LIPI: variants seen among roughly 807,000 people sequenced by gnomAD.
LIPI encodes lipase I, also known as lipase member I.
A neutral mutation model predicts 50.6 loss-of-function variants in LIPI; 59 were observed. The observed-to-expected ratio is 1.16, with a 90% CI of 0.94 to 1.45. LIPI has a LOEUF of 1.45. Among genes scored for constraint, LIPI ranks in the 40% most tolerant of loss-of-function variants. LIPI has a pLI of 0.00. For synonymous variants in LIPI, 203 were observed against 178.2 expected, an observed-to-expected ratio of 1.14 and a Z score of -1.11; for missense variants, 586 against 536.3, an observed-to-expected ratio of 1.09 and a Z score of -0.92.
At chr21:14,145,179 T>C (rs923261672) in intron 8 of LIPI, among the ~76,000 whole-genome samples, 2 of 151,920 alleles carry the variant, frequency 1.3e-5, no homozygotes, top group African/African-American at 4.8e-5. Flanking sequence ...AAATATTTTA[T>C]CAAATATTTT....
intron 8 of LIPI, among the ~76,000 whole-genome samples, chr21:14,152,366 G>C (rs546511206): frequency 3.3e-5 from 5 of 152,208 alleles, no homozygotes; most frequent in Admixed American, 1.3e-4. Flanking sequence ...TAGTTGTTTA[G>C]AGTAAGGGTG....
chr21:14,155,766 A>G (rs1226241029), intron 7 of LIPI, among the ~76,000 whole-genome samples: 1 of 152,070 alleles, frequency 6.6e-6, no homozygotes, highest in Non-Finnish European at 1.5e-5. Flanking sequence ...ATTGTCAGAC[A>G]AAGAAACAGT....
chr21:14,192,412 C>T (rs1368848880), intron 1 of LIPI, among the ~76,000 whole-genome samples: 2 of 152,030 alleles, frequency 1.3e-5, no homozygotes, highest in African/African-American at 4.8e-5. Flanking sequence ...CTGCAGTGAC[C>T]GAGTTCACAC....
At chr21:14,188,586 A>AG (rs2019538461) in intron 2 of LIPI, among the ~76,000 whole-genome samples, 1 of 151,082 alleles carries the variant, frequency 6.6e-6, no homozygotes, top group African/African-American at 2.4e-5. Flanking sequence ...AAAAAAAAAA[A>AG]AAAAGATTTT....
chr21:14,132,101 G>A (rs74379744), intron 9 of LIPI, among the ~76,000 whole-genome samples: 3,648 of 152,158 alleles, frequency 0.024, 104 homozygotes, highest in South Asian at 0.1. Flanking sequence ...TTAATTATTG[G>A]TATTCCAAAG....
At chr21:14,123,180 TGCATA>T (rs1175340292) in intron 9 of LIPI, among the ~76,000 whole-genome samples, 1 of 152,246 alleles carries the variant, frequency 6.6e-6, no homozygotes, top group Non-Finnish European at 1.5e-5. Flanking sequence ...TGGAAGATAC[TGCATA>T]GCATGATAGG....
intron 8 of LIPI, among the ~76,000 whole-genome samples, chr21:14,149,857 G>A (rs576399563): frequency 9.9e-5 from 15 of 152,274 alleles, no homozygotes; most frequent in South Asian, 2.1e-4. Flanking sequence ...TGCAGGGTAC[G>A]GCCCCTCTTC....
At chr21:14,177,928 C>G (rs1355906306) in intron 4 of LIPI, among the ~76,000 whole-genome samples, 1 of 132,370 alleles carries the variant, frequency 7.6e-6, no homozygotes, top group Non-Finnish European at 1.7e-5. Flanking sequence ...CAGTTTCTCT[C>G]CAGTTTAAAT....
rs191601563 is a variant in LIPI at position 14,185,264 on chromosome 21, T to A, written c.541+697A>T. Among the ~76,000 whole-genome samples, 148 of 152,338 alleles carry A rather than the reference T, an allele frequency of 9.7e-4. 1 individual carries two copies. The highest frequency in any genetic ancestry group is 5.9e-4 in the Non-Finnish European group (40 of 68,026). On this transcript the variant is annotated intron_variant, in intron 3 of 9. Transcript: ENST00000681601. Reference sequence around the variant, plus strand: ...TCCTGATTCTTTTGTAGCATTCAAGTAAAAATTTTTAGAGAGTTGAAATGC... The same window carrying A: ...TCCTGATTCTTTTGTAGCATTCAAGAAAAAATTTTTAGAGAGTTGAAATGC...
chr21:14,166,991 A>T (rs2018710140), intron 4 of LIPI, among the ~76,000 whole-genome samples: 1 of 152,208 alleles, frequency 6.6e-6, no homozygotes, highest in Non-Finnish European at 1.5e-5. Flanking sequence ...CACCTGGAAA[A>T]TCGGGTCACT....
chr21:14,146,893 C>T (rs1361342897), intron 8 of LIPI, among the ~76,000 whole-genome samples: 2 of 149,676 alleles, frequency 1.3e-5, no homozygotes, highest in African/African-American at 2.5e-5. Context: ...ATTCTCCTGC[C>T]TCAGCTTCCT....
intron 1 of LIPI, among the ~76,000 whole-genome samples, chr21:14,191,086 A>G (rs992345749): frequency 6.6e-6 from 1 of 152,176 alleles, no homozygotes; most frequent in African/African-American, 2.4e-5. Flanking sequence ...GGAGTAAAAA[A>G]TACAAAAATT....
chr21:14,163,337 C>T, intron 7 of LIPI, 82 bp downstream of exon 7: 1 of 728,802 alleles, frequency 1.4e-6, no homozygotes, highest in East Asian at 2.6e-5. Context: ...TGAGTGGGTG[C>T]AAAGAACACT....
chr21:14,143,102 T>C (rs2017773099), intron 9 of LIPI, among the ~76,000 whole-genome samples: 2 of 152,098 alleles, frequency 1.3e-5, no homozygotes, highest in African/African-American at 4.8e-5. Flanking sequence ...CCAAATACAG[T>C]AGCCCTTTAC....
chr21:14,204,671 T>C (rs2020175759), intron 1 of LIPI, among the ~76,000 whole-genome samples: 1 of 152,004 alleles, frequency 6.6e-6, no homozygotes, highest in South Asian at 2.1e-4. Context: ...CCCATAAATA[T>C]ATCATTTTAA....
chr21:14,199,664 T>C (rs1003102099), intron 1 of LIPI, among the ~76,000 whole-genome samples: 1 of 150,206 alleles, frequency 6.7e-6, no homozygotes, highest in African/African-American at 2.4e-5. Flanking sequence ...TGAATTCTAC[T>C]AGATATAAAA....
At chr21:14,184,543 GT>G (rs1328300149) in intron 3 of LIPI, among the ~76,000 whole-genome samples, 2 of 152,006 alleles carry the variant, frequency 1.3e-5, no homozygotes, top group East Asian at 3.9e-4. Context: ...AAAATATAAT[GT>G]TTTTCATTTC....
At chr21:14,175,015 A>G (rs951985807) in intron 4 of LIPI, among the ~76,000 whole-genome samples, 1 of 152,224 alleles carries the variant, frequency 6.6e-6, no homozygotes, top group African/African-American at 2.4e-5. Flanking sequence ...TGTCAGGTGT[A>G]AAAACAGTCA....
intron 9 of LIPI, among the ~76,000 whole-genome samples, chr21:14,114,569 G>A (rs1031310888): frequency 3.9e-5 from 6 of 152,192 alleles, no homozygotes; most frequent in African/African-American, 1.4e-4. Context: ...CCTCTGGAGG[G>A]TCGGACTCAG....
Sources: allele counts gnomAD v4.1 joint callset (sites outside exome capture counted in the v4.1 genomes callset), GRCh38; gene constraint gnomAD v4.1.1; transcripts MANE v1.5; gene names NCBI Gene and HGNC (gene_info 2026-07-23, HGNC 2026-07-21).